CSMD1: variants seen among roughly 807,000 people sequenced by gnomAD.
CSMD1 encodes the protein CUB and sushi domain-containing protein 1.
In CSMD1, 213 loss-of-function variants were observed where a neutral mutation model predicts 417.5. The ratio of observed to expected loss-of-function variants is 0.51; its 90% CI spans 0.46 to 0.57. The LOEUF (loss-of-function observed/expected upper bound fraction) is 0.57. Among genes scored for constraint, CSMD1 ranks in the 20% least tolerant of loss-of-function variants. CSMD1 has a pLI of 0.00. For missense variants in CSMD1, 6,923 were observed against 4,529.7 expected (o/e 1.53, Z -15.17); for synonymous variants, 2,862 against 1,736.8 (o/e 1.65, Z -16.11).
intron 3 of CSMD1, among the ~76,000 whole-genome samples, chr8:4,215,348 C>T (rs1800601714): frequency 6.6e-6 from 1 of 152,172 alleles, no homozygotes; most frequent in Non-Finnish European, 1.5e-5. Context: ...CCACAGATGG[C>T]ACTTCCTTTC....
At chr8:3,489,004 G>A (rs1818217666) in intron 11 of CSMD1, among the ~76,000 whole-genome samples, 1 of 151,898 alleles carries the variant, frequency 6.6e-6, no homozygotes, top group Non-Finnish European at 1.5e-5. Flanking sequence ...TTCCCCCAAG[G>A]CACTACATGT....
intron 1 of CSMD1, among the ~76,000 whole-genome samples, chr8:4,914,847 A>T (rs561085967): frequency 6.6e-6 from 1 of 152,284 alleles, no homozygotes; most frequent in Non-Finnish European, 1.5e-5. Context: ...AGTTTCACCT[A>T]CTGCTATTTC....
chr8:3,695,337 G>A (rs988192587), intron 7 of CSMD1, among the ~76,000 whole-genome samples: 7 of 151,530 alleles, frequency 4.6e-5, no homozygotes, highest in African/African-American at 9.8e-5. Flanking sequence ...TTAATTTCCT[G>A]TAAGAAATGA....
intron 49 of CSMD1, among the ~76,000 whole-genome samples, chr8:3,056,441 C>T (rs1812226522): frequency 6.6e-6 from 1 of 152,212 alleles, no homozygotes; most frequent in Non-Finnish European, 1.5e-5. Flanking sequence ...AGTCCAGGTT[C>T]ACTGCAGCCT....
chr8:4,698,888 T>C (rs960886515), intron 1 of CSMD1, among the ~76,000 whole-genome samples: 6 of 149,722 alleles, frequency 4.0e-5, no homozygotes, highest in African/African-American at 7.5e-5. Context: ...CTCTTAAACA[T>C]GTGCATACCC....
intron 26 of CSMD1, among the ~76,000 whole-genome samples, chr8:3,231,633 TA>T (rs60280730): frequency 0.071 from 10,815 of 152,148 alleles, 483 homozygotes; most frequent in East Asian, 0.22. Flanking sequence ...TTTAACCTAA[TA>T]GGGGTGGCAA....
At chr8:4,049,840 G>T (rs1798331550) in intron 3 of CSMD1, among the ~76,000 whole-genome samples, 1 of 152,016 alleles carries the variant, frequency 6.6e-6, no homozygotes, top group Non-Finnish European at 1.5e-5. Context: ...GACCAATATT[G>T]GCATATTCTT....
chr8:4,944,128 G>C (rs1016735889), intron 1 of CSMD1, among the ~76,000 whole-genome samples: 2 of 152,140 alleles, frequency 1.3e-5, no homozygotes, highest in African/African-American at 4.8e-5. Flanking sequence ...ATTCTGCTGA[G>C]TTTTAGGCAT....
At chr8:3,781,856 A>G (rs540805787) in intron 5 of CSMD1, among the ~76,000 whole-genome samples, 43 of 152,306 alleles carry the variant, frequency 2.8e-4, no homozygotes, top group African/African-American at 1.0e-3. Flanking sequence ...CATTTGTTCA[A>G]TGGCATTTTC....
chr8:4,152,363 C>G (rs578176649), intron 3 of CSMD1, among the ~76,000 whole-genome samples: 7 of 152,034 alleles, frequency 4.6e-5, no homozygotes, highest in Non-Finnish European at 1.0e-4. Context: ...AGCAGGAATG[C>G]TTATGTACTA....
At chr8:4,514,899 C>T (rs778694632) in intron 2 of CSMD1, among the ~76,000 whole-genome samples, 2 of 152,100 alleles carry the variant, frequency 1.3e-5, no homozygotes, top group African/African-American at 4.8e-5. Flanking sequence ...AAAGATGGCT[C>T]GAGAACAGAG....
intron 12 of CSMD1, among the ~76,000 whole-genome samples, chr8:3,418,075 T>G (rs973388888): frequency 6.6e-6 from 1 of 152,174 alleles, no homozygotes; most frequent in African/African-American, 2.4e-5. Flanking sequence ...CAGGGAAAAT[T>G]CGGTTGTGTA....
At position 4,521,504 on chromosome 8, in the gene CSMD1, A is replaced by T. The variant is rs148143095; in HGVS notation, c.303-101439T>A. ...TATATAAGAAAATTCTACTTCGAAG[A>T]TTTAATGAATGAATGTTTCCTTCTT... On this transcript the variant is annotated intron_variant, in intron 2 of 69. Coordinates refer to ENST00000635120, the MANE Select transcript of CSMD1 (RefSeq NM_033225.6). 2.7e-3 allele frequency among the ~76,000 whole-genome samples: 411 copies of T among 152,314 alleles called. 1 individual carries two copies. Among genetic ancestry groups the T allele is most frequent in the African/African-American group, 9.6e-3 (399 of 41,570 alleles).
intron 26 of CSMD1, chr8:3,278,629 A>G (rs138977591): frequency 1.9e-4 from 29 of 148,802 alleles, no homozygotes; most frequent in Middle Eastern, 3.4e-3. Context: ...TCACAACACA[A>G]TCTAATTTAT....
At chr8:3,615,330 A>G (rs947292649) in intron 8 of CSMD1, among the ~76,000 whole-genome samples, 4 of 152,146 alleles carry the variant, frequency 2.6e-5, no homozygotes, top group African/African-American at 9.7e-5. Context: ...AGTCTCCAGT[A>G]AAAACATCCT....
At chr8:4,861,819 T>C (rs1802152592) in intron 1 of CSMD1, among the ~76,000 whole-genome samples, 1 of 152,116 alleles carries the variant, frequency 6.6e-6, no homozygotes, top group African/African-American at 2.4e-5. Context: ...TAAAGAATTA[T>C]GTATTGATTT....
intron 5 of CSMD1, among the ~76,000 whole-genome samples, chr8:3,808,384 T>C (rs762480060): frequency 3.3e-5 from 5 of 152,184 alleles, no homozygotes; most frequent in African/African-American, 4.8e-5. Flanking sequence ...ACTGTGATAA[T>C]GACAACCGTG....
chr8:4,691,055 C>T (rs1007706064), intron 1 of CSMD1, among the ~76,000 whole-genome samples: 6 of 152,234 alleles, frequency 3.9e-5, no homozygotes, highest in African/African-American at 1.4e-4. Context: ...TGCTTTGAAA[C>T]ATGCACCTTT....
chr8:4,358,819 G>C (rs531642732), intron 3 of CSMD1, among the ~76,000 whole-genome samples: 1 of 152,050 alleles, frequency 6.6e-6, no homozygotes, highest in Non-Finnish European at 1.5e-5. Context: ...TATAAATCAC[G>C]TAAGAGTGCC....
Sources: allele counts gnomAD v4.1 joint callset (sites outside exome capture counted in the v4.1 genomes callset), GRCh38; gene constraint gnomAD v4.1.1; transcripts MANE v1.5; gene names NCBI Gene and HGNC (gene_info 2026-07-23, HGNC 2026-07-21).